Variants in NTN1 observed in about 807,000 individuals in gnomAD.
NTN1 encodes netrin-1.
Under a neutral mutation model 54.2 loss-of-function variants are expected in NTN1, and 11 were observed. That is an observed-to-expected ratio of 0.20 (90% CI 0.13 to 0.34). NTN1 has a LOEUF of 0.34. NTN1 is among the 10% of genes least tolerant of loss of function. The probability of loss-of-function intolerance (pLI) is 1.00; values close to 1 mark genes in which losing one functional copy is unlikely to be tolerated. For synonymous variants in NTN1, 371 were observed against 382.0 expected (o/e 0.97, Z 0.33); for missense variants, 740 against 893.1 (o/e 0.83, Z 2.18).
intron 2 of NTN1, among the ~76,000 whole-genome samples, chr17:9,124,787 C>G (rs891176041): frequency 6.6e-6 from 1 of 152,136 alleles, no homozygotes; most frequent in African/African-American, 2.4e-5. Flanking sequence ...TCCCAAAACC[C>G]TGGGACATGA....
intron 6 of NTN1, among the ~76,000 whole-genome samples, chr17:9,224,955 G>A (rs1905486292): frequency 2.6e-5 from 4 of 152,302 alleles, no homozygotes. Context: ...TGGGGGTGGT[G>A]TGGTGTTTCT....
intron 2 of NTN1, among the ~76,000 whole-genome samples, chr17:9,102,563 G>A (rs2092154102): frequency 6.6e-6 from 1 of 152,146 alleles, no homozygotes; most frequent in African/African-American, 2.4e-5. Context: ...AACCATATCA[G>A]CGGCATCTAC....
At chr17:9,207,237 G>A (rs1904989640) in intron 5 of NTN1, among the ~76,000 whole-genome samples, 1 of 152,166 alleles carries the variant, frequency 6.6e-6, no homozygotes, top group Non-Finnish European at 1.5e-5. Flanking sequence ...TGCCGTGAAG[G>A]AACCACATCC....
intron 2 of NTN1, among the ~76,000 whole-genome samples, chr17:9,033,327 T>C (rs935999818): frequency 6.6e-6 from 1 of 152,210 alleles, no homozygotes; most frequent in Non-Finnish European, 1.5e-5. Context: ...AGAATGGGGC[T>C]GAACAGTCCT....
intron 5 of NTN1, among the ~76,000 whole-genome samples, chr17:9,216,589 T>A (rs191902898): frequency 6.6e-6 from 1 of 152,252 alleles, no homozygotes; most frequent in East Asian, 1.9e-4. Flanking sequence ...TGGATTCCCA[T>A]CTCAGATTTA....
intron 2 of NTN1, among the ~76,000 whole-genome samples, chr17:9,134,631 G>A (rs1321427817): frequency 2.6e-5 from 4 of 152,214 alleles, no homozygotes; most frequent in Non-Finnish European, 4.4e-5. Context: ...CATGAGAATA[G>A]ACAGTCTTTC....
At chr17:9,031,112 A>T (rs1196528918) in intron 2 of NTN1, among the ~76,000 whole-genome samples, 1 of 152,180 alleles carries the variant, frequency 6.6e-6, no homozygotes, top group East Asian at 1.9e-4. Flanking sequence ...ATTTTCACAC[A>T]TCCCAGAGAC....
At chr17:9,122,298 T>C (rs1218072871) in intron 2 of NTN1, among the ~76,000 whole-genome samples, 1 of 152,170 alleles carries the variant, frequency 6.6e-6, no homozygotes, top group Non-Finnish European at 1.5e-5. Flanking sequence ...CCTCCCAAAG[T>C]GCTGGGATTA....
At chr17:9,070,983 T>C (rs944805400) in intron 2 of NTN1, among the ~76,000 whole-genome samples, 1 of 152,112 alleles carries the variant, frequency 6.6e-6, no homozygotes, top group African/African-American at 2.4e-5. Context: ...CCAAGACTTT[T>C]GGGGACTGTT....
intron 2 of NTN1, among the ~76,000 whole-genome samples, chr17:9,125,124 C>T (rs931941464): frequency 2.6e-5 from 4 of 152,066 alleles, no homozygotes; most frequent in African/African-American, 9.7e-5. Flanking sequence ...TGCAGTGGCA[C>T]AATCATGGCT....
At chr17:9,067,699 C>T (rs72809973) in intron 2 of NTN1, among the ~76,000 whole-genome samples, 17,708 of 152,162 alleles carry the variant, frequency 0.12, 1,348 homozygotes, top group Non-Finnish European at 0.16. Flanking sequence ...CATGCCCCAT[C>T]GTGTTTATGC....
chr17:9,084,193 C>T (rs138261565), intron 2 of NTN1, among the ~76,000 whole-genome samples: 3 of 151,874 alleles, frequency 2.0e-5, no homozygotes, highest in Non-Finnish European at 4.4e-5. Context: ...CTGCAAGCTC[C>T]GCCTCCCGGG....
chr17:9,114,136 T>C (rs1206951427), intron 2 of NTN1, among the ~76,000 whole-genome samples: 1 of 82,464 alleles, frequency 1.2e-5, no homozygotes, highest in Admixed American at 1.6e-4. Flanking sequence ...CACTCTAGCC[T>C]GGGTGCCAAA....
intron 5 of NTN1, among the ~76,000 whole-genome samples, chr17:9,213,693 C>T (rs1905160016): frequency 6.6e-6 from 1 of 152,164 alleles, no homozygotes; most frequent in Admixed American, 6.5e-5. Flanking sequence ...ATCTTAATAG[C>T]TTTCCATCTT....
At chr17:9,079,675 GA>G (rs2092063738) in intron 2 of NTN1, among the ~76,000 whole-genome samples, 1 of 151,826 alleles carries the variant, frequency 6.6e-6, no homozygotes, top group Non-Finnish European at 1.5e-5. Flanking sequence ...TTCCCCAGTG[GA>G]CCTGTTTCCT....
At chr17:9,229,426 C>G (rs1220226008) in intron 6 of NTN1, among the ~76,000 whole-genome samples, 1 of 151,564 alleles carries the variant, frequency 6.6e-6, no homozygotes, top group Admixed American at 6.6e-5. Flanking sequence ...TCATTCCTGT[C>G]AATAGGACGC....
intron 2 of NTN1, among the ~76,000 whole-genome samples, chr17:9,069,211 C>G (rs1356896254): frequency 7.4e-6 from 1 of 134,502 alleles, no homozygotes; most frequent in South Asian, 2.4e-4. Context: ...TAAATTGGAA[C>G]CTTTTAGACA....
chr17:9,096,527 C>G (rs969119215), intron 2 of NTN1, among the ~76,000 whole-genome samples: 58 of 151,860 alleles, frequency 3.8e-4, no homozygotes, highest in Non-Finnish European at 5.6e-4. Context: ...CCCGCCACCA[C>G]ACCCAACTAA....
rs145113604 is a variant in NTN1, at chr17:9,113,172, C to T, written c.1019-49641C>T. Among the ~76,000 whole-genome samples the T allele has an allele frequency of 2.1e-3, 318 of 151,518 alleles. 4 individuals are homozygous for T. The highest frequency in any genetic ancestry group is 6.8e-3 in the African/African-American group (280 of 41,260). ...CCGAGTAGCTGGGATTACAGGTGCC[C>T]GCCACCACGCCTGGCTAATTTTTGT... On this transcript the variant is annotated intron_variant, in intron 2 of 6. Transcript: ENST00000173229.
Sources: allele counts gnomAD v4.1 joint callset (sites outside exome capture counted in the v4.1 genomes callset), GRCh38; gene constraint gnomAD v4.1.1; transcripts MANE v1.5; gene names NCBI Gene and HGNC (gene_info 2026-07-23, HGNC 2026-07-21).